LIN28A: variants seen among roughly 807,000 people sequenced by gnomAD.
LIN28A encodes protein lin-28 homolog A.
LIN28A carries 11 observed loss-of-function variants against 21.1 expected under a neutral mutation model. That is an observed-to-expected ratio of 0.52 (90% CI 0.33 to 0.86). LIN28A has a LOEUF of 0.86. Among genes scored for constraint, LIN28A ranks in the 40% least tolerant of loss-of-function variants. LIN28A has a pLI of 0.03. For missense variants in LIN28A, 219 were observed against 279.8 expected (o/e 0.78, Z 1.55); for synonymous variants, 111 against 108.7 (o/e 1.02, Z -0.13).
rs573440969 is a variant in LIN28A, at chr1:26,420,665, T to C, written c.229-4638T>C. Reference sequence around the variant, plus strand: ...GGTTCCTTCATCTTGATGAAGAGCATGTTTCATTTAAGTTCCAGTTTGGAA... The same window carrying C: ...GGTTCCTTCATCTTGATGAAGAGCACGTTTCATTTAAGTTCCAGTTTGGAA... On this transcript the variant is annotated intron_variant, in intron 2 of 3. Transcript: ENST00000326279. Among the ~76,000 whole-genome samples, 17 of 151,258 alleles carry C rather than the reference T, an allele frequency of 1.1e-4. No individual in the cohort carries two copies. In the East Asian group the frequency reaches 2.5e-3, roughly 23 times the overall value.
intron 2 of LIN28A, among the ~76,000 whole-genome samples, chr1:26,413,210 G>A (rs902529784): frequency 6.6e-6 from 1 of 152,050 alleles, no homozygotes; most frequent in Admixed American, 6.6e-5. Context: ...CCTGGTCTGG[G>A]GACTGGACAG....
chr1:26,417,990 G>A (rs983331051), intron 2 of LIN28A, among the ~76,000 whole-genome samples: 3 of 151,234 alleles, frequency 2.0e-5, no homozygotes, highest in Non-Finnish European at 4.4e-5. Context: ...GGACACTTAG[G>A]TTCCTTTGTG....
chr1:26,419,320 A>G (rs1392756704), intron 2 of LIN28A, among the ~76,000 whole-genome samples: 2 of 152,066 alleles, frequency 1.3e-5, no homozygotes, highest in African/African-American at 4.8e-5. Flanking sequence ...ACACTGAGGT[A>G]CCTGCAGGGG....
rs771222348 is a variant in LIN28A, at chr1:26,411,430, G to A, written c.76G>A (p.Glu26Lys). The change falls in exon 2 of 4, where the codon GAG becomes AAG. Residue 26 changes from glutamate (E) to lysine (K), a missense_variant. Coordinates refer to ENST00000326279, the MANE Select transcript of LIN28A (RefSeq NM_024674.6). This position sits in a 1 kb window ranked among gnomAD's most constrained non-coding sequence, Gnocchi z 5.4. ...AAEEAPEEAP[E>K]DAARAADEPQ... The stretch of plus-strand genomic sequence containing the variant: ...AGAAGAGGCGCCCGAGGAGGCGCCG[G>A]AGGACGCGGCCCGGGCGGCGGACGA... The A allele has an allele frequency of 2.4e-5, 38 of 1,607,092 alleles. No homozygotes were observed. The African/African-American group carries it at 3.1e-4, about 13-fold the overall frequency.
At chr1:26,424,589 G>A (rs935966685) in intron 2 of LIN28A, among the ~76,000 whole-genome samples, 5 of 152,222 alleles carry the variant, frequency 3.3e-5, no homozygotes, top group Non-Finnish European at 7.4e-5. Context: ...ATTTATTTTT[G>A]AGACGAAGTC....
chr1:26,419,895 C>T (rs2075018532), intron 2 of LIN28A, among the ~76,000 whole-genome samples: 2 of 152,062 alleles, frequency 1.3e-5, no homozygotes, highest in Non-Finnish European at 2.9e-5. Flanking sequence ...CTAGGACCTC[C>T]CAACTCACCC....
chr1:26,421,076 T>C (rs1277317113), intron 2 of LIN28A, among the ~76,000 whole-genome samples: 1 of 152,200 alleles, frequency 6.6e-6, no homozygotes, highest in Non-Finnish European at 1.5e-5. Context: ...TTTATAAATA[T>C]CAGTGTCCTT....
intron 2 of LIN28A, among the ~76,000 whole-genome samples, chr1:26,418,361 G>A (rs902972892): frequency 6.6e-6 from 1 of 151,906 alleles, no homozygotes; most frequent in Non-Finnish European, 1.5e-5. Context: ...CCTGGCTAAC[G>A]CGGTGAAACC....
rs370352579 is a variant in LIN28A at position 26,411,781 on chromosome 1, C to T, written c.228+199C>T. 2.1e-4 allele frequency among the ~76,000 whole-genome samples: 32 copies of T among 152,340 alleles called. No individual in the cohort carries two copies. In the East Asian group the frequency reaches 6.0e-3, roughly 28 times the overall value. On this transcript the variant is annotated intron_variant, in intron 2 of 3. Coordinates refer to ENST00000326279, the MANE Select transcript of LIN28A (RefSeq NM_024674.6). This position sits in a 1 kb window ranked among gnomAD's most constrained non-coding sequence, Gnocchi z 5.4. ...AGTGGGAGGCAGCACCAATTATCAG[C>T]ACCCCCGCCCCCTTCCGGGAACCCC... is the stretch of plus-strand genomic sequence containing the variant.
intron 2 of LIN28A, among the ~76,000 whole-genome samples, chr1:26,424,739 G>A (rs999874703): frequency 2.7e-5 from 4 of 148,978 alleles, no homozygotes; most frequent in Non-Finnish European, 6.1e-5. Flanking sequence ...TCTGTTTGTT[G>A]TTGTTTGTTT....
In LIN28A at chr1:26,411,236, G is replaced by T; in HGVS notation, c.32-150G>T. ...CTAGGGGAACGCGGGAGGCGACCGG[G>T]ATAGGTTTCTTCTCTTCTGTTGCTT... On this transcript the variant is annotated intron_variant, in intron 1 of 3. Transcript: ENST00000326279. This position sits in a 1 kb window ranked among gnomAD's most constrained non-coding sequence, Gnocchi z 5.4. 2.5e-6 allele frequency: 2 copies of T among 815,320 alleles called. No individual in the cohort carries two copies. Among genetic ancestry groups the T allele is most frequent in the African/African-American group, 1.7e-5 (1 of 57,320 alleles). 50.5% of individuals were successfully genotyped at this position (815,320 alleles called of 1,614,324 possible). A position where few individuals can be genotyped will look rare whatever the true frequency, so the allele number is the denominator to read the frequency against.
chr1:26,424,480 T>A (rs1337436031), intron 2 of LIN28A, among the ~76,000 whole-genome samples: 1 of 151,934 alleles, frequency 6.6e-6, no homozygotes, highest in African/African-American at 2.4e-5. Context: ...GACCTCGTGA[T>A]CCACCTGCTT....
chr1:26,417,550 T>A (rs1438223057), intron 2 of LIN28A, among the ~76,000 whole-genome samples: 4 of 152,172 alleles, frequency 2.6e-5, no homozygotes, highest in African/African-American at 9.7e-5. Flanking sequence ...TGAATTGCAC[T>A]GGGGAGAGTT....
chr1:26,425,742 A>G (rs1197028446), intron 3 of LIN28A, among the ~76,000 whole-genome samples: 1 of 152,174 alleles, frequency 6.6e-6, no homozygotes, highest in African/African-American at 2.4e-5. Context: ...AGGCAGTGAT[A>G]CTAACATCCT....
intron 2 of LIN28A, among the ~76,000 whole-genome samples, chr1:26,418,537 C>A (rs1190042220): frequency 2.8e-5 from 3 of 105,314 alleles, no homozygotes; most frequent in African/African-American, 8.3e-5. Context: ...CAGAGCCAGA[C>A]TTTTTAAAAA....
intron 2 of LIN28A, among the ~76,000 whole-genome samples, chr1:26,423,868 T>C (rs963338471): frequency 1.3e-5 from 2 of 151,866 alleles, no homozygotes; most frequent in African/African-American, 4.8e-5. Flanking sequence ...GTTCATGCCA[T>C]TCTCCTGCCT....
chr1:26,426,633 G>A lies in LIN28A; in HGVS notation c.*175G>A. 1.6e-6 allele frequency: 1 copy of A among 610,924 alleles called. No homozygotes were observed. The highest frequency in any genetic ancestry group is 2.9e-5 in the East Asian group (1 of 34,950). The allele number at this position is 610,924 out of a possible 1,614,324, so 37.8% of individuals were successfully genotyped here. On this transcript the variant is annotated 3_prime_UTR_variant, in exon 4 of 4. Coordinates refer to ENST00000326279, the MANE Select transcript of LIN28A (RefSeq NM_024674.6). ...GGTGGGGGGAAAGGGTGAGTCAAAGGAACTCCAACCATGCTCTGTCCAAAT... is the reference window on the plus strand; with the variant it reads ...GGTGGGGGGAAAGGGTGAGTCAAAGAAACTCCAACCATGCTCTGTCCAAAT...
chr1:26,412,294 A>C (rs1484380883), intron 2 of LIN28A, among the ~76,000 whole-genome samples: 1 of 152,076 alleles, frequency 6.6e-6, no homozygotes, highest in Non-Finnish European at 1.5e-5. Flanking sequence ...AGGGCAGCAC[A>C]GTAGGGGGTG....
chr1:26,421,388 T>C (rs1381577034), intron 2 of LIN28A, among the ~76,000 whole-genome samples: 2 of 152,212 alleles, frequency 1.3e-5, no homozygotes, highest in East Asian at 3.8e-4. Flanking sequence ...CAGTAGGTTA[T>C]TTCCAATTTT....
Sources: gnomAD v4.1 joint callset for allele counts (sites outside exome capture counted in the v4.1 genomes callset) on GRCh38, gnomAD v4.1.1 for gene constraint, Gnocchi (gnomAD v3.1) non-coding constraint, MANE v1.5 for transcripts, NCBI Gene and HGNC (gene_info 2026-07-23, HGNC 2026-07-21) for gene names.